The following RORB variants were observed in gnomAD, a reference collection of about 807,000 sequenced individuals.
RORB encodes RAR related orphan receptor B.
RORB carries 6 observed loss-of-function variants against 59.1 expected under a neutral mutation model. The ratio of observed to expected loss-of-function variants is 0.10; its 90% CI spans 0.06 to 0.20. The LOEUF (loss-of-function observed/expected upper bound fraction) is 0.20, where lower values mean the gene tolerates loss of function less well. Among genes scored for constraint, RORB ranks in the 10% least tolerant of loss-of-function variants. The probability of loss-of-function intolerance (pLI) is 1.00; values close to 1 mark genes in which losing one functional copy is unlikely to be tolerated. For synonymous variants in RORB, 215 were observed against 204.5 expected, an observed-to-expected ratio of 1.05 and a Z score of -0.44; for missense variants, 320 against 560.5, an observed-to-expected ratio of 0.57 and a Z score of 4.33.
At chr9:74,627,906 T>C (rs1823547189) in intron 1 of RORB, among the ~76,000 whole-genome samples, 1 of 152,176 alleles carries the variant, frequency 6.6e-6, no homozygotes, top group Non-Finnish European at 1.5e-5. Context: ...ATATTTTGTG[T>C]CCAAAAGTTT....
At chr9:74,558,016 G>A (rs1237253344) in intron 1 of RORB, among the ~76,000 whole-genome samples, 1 of 151,970 alleles carries the variant, frequency 6.6e-6, no homozygotes, top group Non-Finnish European at 1.5e-5. Context: ...AATAAGAATG[G>A]CCTGTCATAG....
intron 1 of RORB, among the ~76,000 whole-genome samples, chr9:74,503,822 A>G (rs2118019767): frequency 6.6e-6 from 1 of 152,168 alleles, no homozygotes; most frequent in African/African-American, 2.4e-5. Context: ...TTACCAGTGC[A>G]CCAATATAAT....
chr9:74,573,040 G>T (rs1822576746), intron 1 of RORB, among the ~76,000 whole-genome samples: 1 of 152,098 alleles, frequency 6.6e-6, no homozygotes, highest in African/African-American at 2.4e-5. Context: ...TCGGTCAGGT[G>T]CCCATTTTCC....
intron 9 of RORB, among the ~76,000 whole-genome samples, chr9:74,683,940 GA>G (rs1302315391): frequency 1.3e-5 from 2 of 152,024 alleles, no homozygotes; most frequent in East Asian, 1.9e-4. Flanking sequence ...CATCAAGAAT[GA>G]AAAAAAATTA....
intron 6 of RORB, among the ~76,000 whole-genome samples, chr9:74,664,166 A>G (rs1240949705): frequency 6.6e-6 from 1 of 152,228 alleles, no homozygotes; most frequent in African/African-American, 2.4e-5. Flanking sequence ...TGTAAAATAA[A>G]GAGATGGACT....
At chr9:74,551,457 G>A (rs1826606314) in intron 1 of RORB, among the ~76,000 whole-genome samples, 1 of 152,202 alleles carries the variant, frequency 6.6e-6, no homozygotes, top group African/African-American at 2.4e-5. Context: ...CACGGATACA[G>A]TGGACAAAGA....
chr9:74,655,579 C>T (rs1396238570), intron 4 of RORB, among the ~76,000 whole-genome samples: 8 of 152,194 alleles, frequency 5.3e-5, no homozygotes, highest in African/African-American at 9.7e-5. Flanking sequence ...CTAGAGAGGA[C>T]TACATTTACT....
intron 1 of RORB, among the ~76,000 whole-genome samples, chr9:74,578,663 A>G (rs1218495416): frequency 7.9e-6 from 1 of 125,936 alleles, no homozygotes; most frequent in Non-Finnish European, 1.7e-5. Context: ...TGAATTGTAA[A>G]GGTTTATTTG....
At chr9:74,634,078 T>TA (rs57659935) in intron 2 of RORB, among the ~76,000 whole-genome samples, 23,886 of 141,570 alleles carry the variant, frequency 0.17, 2,376 homozygotes, top group East Asian at 0.48. Context: ...CTCAAAAAGT[T>TA]AAAAAAAAAA....
intron 1 of RORB, among the ~76,000 whole-genome samples, chr9:74,508,902 T>A (rs1378422158): frequency 1.4e-5 from 1 of 71,104 alleles, no homozygotes; most frequent in East Asian, 2.3e-4. Context: ...TAATCTATGC[T>A]CTCTCTCTCT....
chr9:74,587,640 G>A (rs754296928), intron 1 of RORB, among the ~76,000 whole-genome samples: 8 of 152,164 alleles, frequency 5.3e-5, no homozygotes, highest in African/African-American at 1.7e-4. Flanking sequence ...CATGTTTGGG[G>A]TTGGGAGGAT....
At chr9:74,569,043 G>C (rs1041011707) in intron 1 of RORB, among the ~76,000 whole-genome samples, 4 of 152,128 alleles carry the variant, frequency 2.6e-5, no homozygotes, top group African/African-American at 9.6e-5. Context: ...TTTGTTAGCT[G>C]AACAGGTTGT....
intron 3 of RORB, among the ~76,000 whole-genome samples, chr9:74,641,596 C>A (rs1218095306): frequency 2.6e-5 from 4 of 152,162 alleles, no homozygotes; most frequent in Non-Finnish European, 5.9e-5. Context: ...TCTTACCCAA[C>A]ACACTATTTA....
chr9:74,621,287 T>C (rs1189735924), intron 1 of RORB, among the ~76,000 whole-genome samples: 1 of 151,984 alleles, frequency 6.6e-6, no homozygotes, highest in Non-Finnish European at 1.5e-5. Context: ...TCCAAACCCA[T>C]GGCAACTAAT....
intron 1 of RORB, among the ~76,000 whole-genome samples, chr9:74,585,227 A>G (rs1469606160): frequency 6.6e-6 from 1 of 152,240 alleles, no homozygotes; most frequent in East Asian, 1.9e-4. Flanking sequence ...TTCCAAAAGT[A>G]CGACTCAGGA....
intron 9 of RORB, among the ~76,000 whole-genome samples, chr9:74,673,402 G>A (rs1824381956): frequency 6.6e-6 from 1 of 151,998 alleles, no homozygotes; most frequent in African/African-American, 2.4e-5. Context: ...CTGCTTGCTT[G>A]GGAGGATTGT....
intron 1 of RORB, among the ~76,000 whole-genome samples, chr9:74,622,718 G>C (rs1587390070): frequency 6.6e-6 from 1 of 151,544 alleles, no homozygotes; most frequent in African/African-American, 2.4e-5. Context: ...GTAGAGACAG[G>C]GTTTCACCAT....
At chr9:74,554,849 C>G (rs759672864) in intron 1 of RORB, among the ~76,000 whole-genome samples, 2 of 152,144 alleles carry the variant, frequency 1.3e-5, no homozygotes, top group Admixed American at 6.6e-5. Context: ...ATCTTGTCAT[C>G]CTAGAACATG....
chr9:74,653,351 A>G (rs1026293477), intron 4 of RORB, among the ~76,000 whole-genome samples: 9 of 152,212 alleles, frequency 5.9e-5, no homozygotes, highest in Admixed American at 2.0e-4. Flanking sequence ...TAAACTAAAC[A>G]GAGAATTCAG....
Sources: gnomAD v4.1 joint callset for allele counts (sites outside exome capture counted in the v4.1 genomes callset) on GRCh38, gnomAD v4.1.1 for gene constraint, MANE v1.5 for transcripts, NCBI Gene and HGNC (gene_info 2026-07-23, HGNC 2026-07-21) for gene names.